The following RSPO4 variants were observed in gnomAD, a reference collection of about 807,000 sequenced individuals.
RSPO4 encodes the protein R-spondin 4.
Under a neutral mutation model 24.8 loss-of-function variants are expected in RSPO4, and 23 were observed. The observed-to-expected ratio is 0.93, with a 90% CI of 0.67 to 1.31. The LOEUF is 1.31. Among genes scored for constraint, RSPO4 ranks in the 40% most tolerant of loss-of-function variants. The probability of loss-of-function intolerance (pLI) is 0.00; values close to 1 mark genes in which losing one functional copy is unlikely to be tolerated. For missense variants in RSPO4, 333 were observed against 316.5 expected (o/e 1.05, Z -0.39); for synonymous variants, 141 against 127.4 (o/e 1.11, Z -0.72).
At chr20:965,591 G>A (rs1984167825) in intron 3 of RSPO4, among the ~76,000 whole-genome samples, 3 of 152,214 alleles carry the variant, frequency 2.0e-5, no homozygotes, top group Admixed American at 6.5e-5. Flanking sequence ...GGCGGGAGAC[G>A]GGCAGGAGCT....
At chr20:965,618 C>T (rs1984168907) in intron 3 of RSPO4, among the ~76,000 whole-genome samples, 4 of 152,026 alleles carry the variant, frequency 2.6e-5, no homozygotes, top group Admixed American at 6.6e-5. Flanking sequence ...AGAACCCTGG[C>T]GATAGGCAGG....
chr20:993,721 T>C (rs6118532), intron 1 of RSPO4, among the ~76,000 whole-genome samples: 2,806 of 152,252 alleles, frequency 0.018, 102 homozygotes, highest in African/African-American at 0.064. Context: ...AGCTGTGGGG[T>C]AGAAACATGA....
rs558606714 is a variant in RSPO4, at chr20:960,628, A to AC, written c.596-163dup. 8.6e-4 allele frequency among the ~76,000 whole-genome samples: 131 copies of AC among 152,230 alleles called. 1 individual carries two copies. The highest frequency in any genetic ancestry group is 1.6e-3 in the Non-Finnish European group (108 of 68,034). ...GCAGTCCCTCCTGTTGAGAGTTTGG[A>AC]CCGTGGGCTAAGGTACCCCAAACTG... is the stretch of plus-strand genomic sequence containing the variant. On this transcript the variant is annotated intron_variant, in intron 4 of 4. Transcript: ENST00000217260.
intron 1 of RSPO4, among the ~76,000 whole-genome samples, chr20:997,517 C>T (rs1275295723): frequency 2.0e-5 from 3 of 152,196 alleles, no homozygotes; most frequent in African/African-American, 4.8e-5. Flanking sequence ...AGCGCCATTC[C>T]CTCAGCCCTC....
chr20:1,001,641 T>C (rs1400074855), intron 1 of RSPO4, among the ~76,000 whole-genome samples: 1 of 151,734 alleles, frequency 6.6e-6, no homozygotes, highest in African/African-American at 2.4e-5. Context: ...TCAGGGTGAG[T>C]GATGAGGCTG....
At chr20:996,454 G>A (rs1156807198) in intron 1 of RSPO4, among the ~76,000 whole-genome samples, 6 of 152,196 alleles carry the variant, frequency 3.9e-5, no homozygotes, top group Non-Finnish European at 7.3e-5. Context: ...CCTCGGCTGA[G>A]GCTGAGACCA....
At chr20:990,358 G>A (rs1004016522) in intron 1 of RSPO4, among the ~76,000 whole-genome samples, 4 of 152,186 alleles carry the variant, frequency 2.6e-5, no homozygotes, top group African/African-American at 9.7e-5. Flanking sequence ...GCATTGCAGG[G>A]ATGGAGCCCT....
chr20:993,195 C>G (rs1045238564), intron 1 of RSPO4, among the ~76,000 whole-genome samples: 2 of 152,342 alleles, frequency 1.3e-5, no homozygotes, highest in Admixed American at 1.3e-4. Flanking sequence ...GAATTTCCCA[C>G]CCCCTCCGCA....
At chr20:979,173 G>A (rs11906310) in intron 1 of RSPO4, among the ~76,000 whole-genome samples, 4,176 of 151,974 alleles carry the variant, frequency 0.027, 188 homozygotes, top group African/African-American at 0.095. Flanking sequence ...TCCCTACCCC[G>A]TTCCCTGCTC....
In RSPO4 at chr20:964,137, G is replaced by A; in HGVS notation, c.410-17C>T. 1.3e-6 allele frequency: 2 copies of A among 1,597,786 alleles called. No individual in the cohort carries two copies. The highest frequency in any genetic ancestry group is 1.7e-6 in the Non-Finnish European group (2 of 1,170,018). ...CACACTCCCCTGTGGGGTGAAAGGA[G>A]AGACAGACAGACAGACAGACAGGGT... On this transcript the variant is annotated splice_polypyrimidine_tract_variant and intron_variant, in intron 3 of 4. Transcript: ENST00000217260.
chr20:960,992 G>T (rs1420369873), intron 4 of RSPO4, among the ~76,000 whole-genome samples: 1 of 152,238 alleles, frequency 6.6e-6, no homozygotes, highest in Non-Finnish European at 1.5e-5. Context: ...ACAGCCGAGA[G>T]AGGCAGGTAG....
rs1338715017 is a variant in RSPO4, at chr20:1,002,265, G to GCGCCGGGCGCATC, written c.-114_-102dup. 6.4e-6 allele frequency: 4 copies of GCGCCGGGCGCATC among 627,412 alleles called. No individual in the cohort carries two copies. Among genetic ancestry groups the GCGCCGGGCGCATC allele is most frequent in the Non-Finnish European group, 8.5e-6 (4 of 471,010 alleles). 38.9% of individuals were successfully genotyped at this position (627,412 alleles called of 1,614,324 possible). On this transcript the variant is annotated 5_prime_UTR_variant, in exon 1 of 5. In the 5' UTR this introduces an upstream ATG that the reference lacks. Transcript: ENST00000217260. This position sits in a 1 kb window ranked among gnomAD's most constrained non-coding sequence, Gnocchi z 4.6. ...GGCGGGCGCGGGGGCTGCTGTGGGC[G>GCGCCGGGCGCATC]CGCCGGGCGCATCCGCCAGGCGCGG...
chr20:966,180 A>G (rs375043570), intron 3 of RSPO4, among the ~76,000 whole-genome samples: 2 of 152,118 alleles, frequency 1.3e-5, no homozygotes, highest in African/African-American at 4.8e-5. Flanking sequence ...TGGAATGACC[A>G]TGAATGTGAG....
rs571374615 is a variant in RSPO4, at chr20:985,929, T to A, written c.79+16157A>T. Among the ~76,000 whole-genome samples, 4 of 152,128 alleles carry A rather than the reference T, an allele frequency of 2.6e-5. No individual in the cohort carries two copies. In the East Asian group the frequency reaches 7.7e-4, roughly 29 times the overall value. On this transcript the variant is annotated intron_variant, in intron 1 of 4. Coordinates refer to ENST00000217260, the MANE Select transcript of RSPO4 (RefSeq NM_001029871.4). ...TGATCTGCCCTGTGTCCATTGGGAG[T>A]GAGTGGAGAATGAATGAGAAATGCA...
chr20:983,370 T>C (rs1474372111), intron 1 of RSPO4, among the ~76,000 whole-genome samples: 5 of 152,206 alleles, frequency 3.3e-5, no homozygotes, highest in African/African-American at 1.2e-4. Context: ...GCCTTCCTTT[T>C]TGCAAGATGA....
intron 1 of RSPO4, among the ~76,000 whole-genome samples, chr20:994,006 A>G (rs766631992): frequency 2.6e-5 from 4 of 152,202 alleles, no homozygotes; most frequent in Non-Finnish European, 5.9e-5. Flanking sequence ...TCTGTAAAAT[A>G]GGAATGCTAC....
chr20:994,703 A>T (rs911192871), intron 1 of RSPO4, among the ~76,000 whole-genome samples: 6 of 152,190 alleles, frequency 3.9e-5, no homozygotes, highest in African/African-American at 1.2e-4. Flanking sequence ...AGTTGGGATT[A>T]CAGGTGTGCA....
At chr20:989,769 C>G (rs1418910723) in intron 1 of RSPO4, among the ~76,000 whole-genome samples, 1 of 152,236 alleles carries the variant, frequency 6.6e-6, no homozygotes, top group Non-Finnish European at 1.5e-5. Flanking sequence ...ACCCTTCTTA[C>G]CCAGTTATAA....
chr20:1,002,145 A>T lies in RSPO4; in HGVS notation c.20T>A (p.Leu7Gln). MRAPLC[L>Q]LLLVAHAVDM... is the part of the protein sequence containing the mutation. ...CACGGCGTGGGCGACGAGCAGGAGC[A>T]GGCAGAGTGGCGCCCGCATCTGGGC... The change falls in exon 1 of 5, where the codon CTG becomes CAG. Residue 7 changes from leucine (L) to glutamine (Q), a missense_variant. Transcript: ENST00000217260. The surrounding 1 kb of genome is among the most constrained non-coding windows in gnomAD (Gnocchi z 4.6). 6.4e-7 allele frequency: 1 copy of T among 1,560,986 alleles called. No homozygotes were observed. The highest frequency in any genetic ancestry group is 8.7e-7 in the Non-Finnish European group (1 of 1,152,708).
Sources: allele counts gnomAD v4.1 joint callset (sites outside exome capture counted in the v4.1 genomes callset), GRCh38; gene constraint gnomAD v4.1.1; non-coding constraint Gnocchi (gnomAD v3.1); transcripts MANE v1.5; gene names NCBI Gene and HGNC (gene_info 2026-07-23, HGNC 2026-07-21).